Variants in HNF4G observed in about 807,000 individuals in gnomAD.
HNF4G encodes hepatocyte nuclear factor 4 gamma.
HNF4G carries 21 observed loss-of-function variants against 50.9 expected under a neutral mutation model. The ratio of observed to expected loss-of-function variants is 0.41; its 90% CI spans 0.29 to 0.59. HNF4G has a LOEUF of 0.59. Ranked by LOEUF, HNF4G falls within the 20% of genes least tolerant of loss-of-function variation. The pLI is 0.26. For missense variants in HNF4G, 527 were observed against 559.4 expected (o/e 0.94, Z 0.58); for synonymous variants, 198 against 185.6 (o/e 1.07, Z -0.54).
At chr8:75,548,986 T>G (rs968992444) in intron 3 of HNF4G, among the ~76,000 whole-genome samples, 2 of 152,204 alleles carry the variant, frequency 1.3e-5, no homozygotes, top group Non-Finnish European at 2.9e-5. Flanking sequence ...TTTGGCAGTT[T>G]ATGGAACTAA....
At chr8:75,512,512 T>C (rs1229583474) in intron 2 of HNF4G, among the ~76,000 whole-genome samples, 1 of 151,614 alleles carries the variant, frequency 6.6e-6, no homozygotes, top group African/African-American at 2.4e-5. Flanking sequence ...TCGCCCAGGC[T>C]GGAGTGCAGT....
intron 1 of HNF4G, among the ~76,000 whole-genome samples, chr8:75,475,322 T>A (rs1376864591): frequency 4.6e-5 from 7 of 152,354 alleles, no homozygotes; most frequent in Non-Finnish European, 8.8e-5. Flanking sequence ...AATTATTTTT[T>A]AAAAAAACCA....
intron 2 of HNF4G, among the ~76,000 whole-genome samples, chr8:75,508,060 C>T (rs773954129): frequency 2.0e-5 from 3 of 150,702 alleles, no homozygotes; most frequent in South Asian, 2.1e-4. Flanking sequence ...GGAGAATAAC[C>T]GTATCAATGG....
At chr8:75,556,788 C>T in intron 6 of HNF4G, among the ~76,000 whole-genome samples, 1 of 151,858 alleles carries the variant, frequency 6.6e-6, no homozygotes. Flanking sequence ...ATGTTTTAGC[C>T]CCAAATATAA....
intron 2 of HNF4G, among the ~76,000 whole-genome samples, chr8:75,520,949 TTTAA>T (rs1328985438): frequency 2.0e-5 from 3 of 152,078 alleles, no homozygotes; most frequent in Non-Finnish European, 2.9e-5. Context: ...TGATAGTATC[TTTAA>T]TTATTGTGTG....
rs1314154147 is a variant in HNF4G, at chr8:75,481,641, T to C, written c.-143-8448T>C. The stretch of plus-strand genomic sequence containing the variant: ...ATAACGGTGGGACCCCAAGGCACTT[T>C]CTAGGATGTACACATTTCATCAAGA... On this transcript the variant is annotated intron_variant, in intron 1 of 10. Transcript: ENST00000354370. 2.6e-5 allele frequency among the ~76,000 whole-genome samples: 4 copies of C among 152,162 alleles called. 1 individual carries two copies. In the East Asian group the frequency reaches 7.7e-4, roughly 29 times the overall value.
rs1811735989 is a variant in HNF4G at position 75,456,868 on chromosome 8, G to C, written c.-143-33221G>C. Among the ~76,000 whole-genome samples the C allele has an allele frequency of 1.3e-5, 2 of 151,788 alleles. 1 individual carries two copies. The highest frequency in any genetic ancestry group is 4.2e-4 in the South Asian group (2 of 4,812). ...CGATTCCCCCACTTCAGGCTCCTGA[G>C]TAGCTGGGACCCCAGACGTGTGCCA... On this transcript the variant is annotated intron_variant, in intron 1 of 10. Transcript: ENST00000354370.
At chr8:75,547,709 A>G (rs764063605) in intron 3 of HNF4G, 28 bp downstream of exon 3, 2 of 1,305,798 alleles carry the variant, frequency 1.5e-6, no homozygotes, top group Admixed American at 1.7e-5. Flanking sequence ...GATAATTAAC[A>G]TTATTGATGA....
chr8:75,419,282 G>A (rs1199445956), intron 1 of HNF4G, among the ~76,000 whole-genome samples: 2 of 152,110 alleles, frequency 1.3e-5, no homozygotes, highest in African/African-American at 4.8e-5. Flanking sequence ...TTTCTTTGAG[G>A]CTTTTGTACT....
intron 2 of HNF4G, among the ~76,000 whole-genome samples, chr8:75,529,154 G>A (rs1486054597): frequency 6.6e-6 from 1 of 152,100 alleles, no homozygotes; most frequent in Non-Finnish European, 1.5e-5. Context: ...AGCTGGGAGT[G>A]GTGGCGGGCG....
chr8:75,485,822 T>C (rs1448172286), intron 1 of HNF4G: 1 of 152,216 alleles, frequency 6.6e-6, no homozygotes, highest in African/African-American at 2.4e-5. Flanking sequence ...TTGAAGTAAG[T>C]ACAAATGAGC....
At chr8:75,450,289 A>G (rs1239527822) in intron 1 of HNF4G, among the ~76,000 whole-genome samples, 3 of 152,204 alleles carry the variant, frequency 2.0e-5, no homozygotes, top group African/African-American at 7.2e-5. Context: ...TGTCTTGGCT[A>G]TTGTGAATAG....
intron 2 of HNF4G, among the ~76,000 whole-genome samples, chr8:75,545,451 A>T (rs916925054): frequency 2.0e-5 from 3 of 152,146 alleles, no homozygotes; most frequent in Non-Finnish European, 2.9e-5. Context: ...GCACCTTCCT[A>T]TTAAGAATGC....
chr8:75,537,614 G>A (rs1459251239), upstream of HNF4G, among the ~76,000 whole-genome samples: 7 of 151,994 alleles, frequency 4.6e-5, no homozygotes, highest in Admixed American at 2.0e-4. Flanking sequence ...AAAGCAAATC[G>A]ACTAAAGTTT....
intron 1 of HNF4G, among the ~76,000 whole-genome samples, chr8:75,453,679 A>C (rs1459673087): frequency 6.6e-6 from 1 of 152,150 alleles, no homozygotes; most frequent in Non-Finnish European, 1.5e-5. Flanking sequence ...TCTTGAAGTC[A>C]GTCAGACCAC....
At chr8:75,557,236 A>C (rs1807154322) in intron 6 of HNF4G, among the ~76,000 whole-genome samples, 1 of 152,238 alleles carries the variant, frequency 6.6e-6, no homozygotes, top group South Asian at 2.1e-4. Context: ...GAAAGAGTGA[A>C]ACTCAAAAAA....
intron 1 of HNF4G, among the ~76,000 whole-genome samples, chr8:75,465,244 C>T (rs1416330947): frequency 6.6e-6 from 1 of 152,150 alleles, no homozygotes; most frequent in Non-Finnish European, 1.5e-5. Flanking sequence ...ATATACATAA[C>T]TAGAATAATA....
chr8:75,536,723 T>C (rs1806477332), upstream of HNF4G, among the ~76,000 whole-genome samples: 1 of 152,082 alleles, frequency 6.6e-6, no homozygotes, highest in Non-Finnish European at 1.5e-5. Context: ...CACGAATGAA[T>C]GGGAAACACA....
chr8:75,428,754 G>A (rs1810941363), intron 1 of HNF4G, among the ~76,000 whole-genome samples: 1 of 152,168 alleles, frequency 6.6e-6, no homozygotes, highest in African/African-American at 2.4e-5. Context: ...TTATTTGAGA[G>A]GTAGTAAGGG....
Sources: allele counts gnomAD v4.1 joint callset (sites outside exome capture counted in the v4.1 genomes callset), GRCh38; gene constraint gnomAD v4.1.1; transcripts MANE v1.5; gene names NCBI Gene and HGNC (gene_info 2026-07-23, HGNC 2026-07-21).